Variants in TENM3 observed in about 807,000 individuals in gnomAD.
TENM3 encodes the protein teneurin-3.
In TENM3, 63 loss-of-function variants were observed where a neutral mutation model predicts 255.1. That is an observed-to-expected ratio of 0.25 (90% CI 0.20 to 0.30). TENM3 has a LOEUF of 0.30. Among genes scored for constraint, TENM3 ranks in the 10% least tolerant of loss-of-function variants. The pLI is 1.00. For synonymous variants in TENM3, 1,306 were observed against 1,322.3 expected, an observed-to-expected ratio of 0.99 and a Z score of 0.27; for missense variants, 2,929 against 3,461.1, an observed-to-expected ratio of 0.85 and a Z score of 3.86.
At position 182,601,069 on chromosome 4, in the gene TENM3, G is replaced by A. The variant is rs755058736; in HGVS notation, c.657G>A (p.Pro219=). 46 of 1,613,596 alleles carry A rather than the reference G, an allele frequency of 2.9e-5. 1 individual carries two copies. The highest frequency in any genetic ancestry group is 1.6e-4 in the Middle Eastern group (1 of 6,084). The part of the protein sequence containing the change: ...TNRRNQSPAP[P]AALPAELQTT... ...GAAGGAACCAGAGTCCGGCCCCGCCGGCTGCTTTGCCCGCCGAGCTGCAAA... is the reference window on the plus strand; with the variant it reads ...GAAGGAACCAGAGTCCGGCCCCGCCAGCTGCTTTGCCCGCCGAGCTGCAAA... Residue 219 remains proline, a synonymous_variant, in exon 4 of 28, where the codon CCG becomes CCA. Transcript: ENST00000511685.
intron 22 of TENM3, among the ~76,000 whole-genome samples, chr4:182,771,821 G>A (rs866585760): frequency 6.6e-6 from 1 of 152,166 alleles, no homozygotes; most frequent in Non-Finnish European, 1.5e-5. Flanking sequence ...GTTTGGGTTG[G>A]TGGGGAGGAC....
At chr4:181,732,772 G>C in the TENM3 span, among the ~76,000 whole-genome samples, 2 of 152,016 alleles carry the variant, frequency 1.3e-5, no homozygotes, top group Non-Finnish European at 2.9e-5. Flanking sequence ...GAGGTGGGAT[G>C]AGTAGGGGGG....
chr4:182,068,411 A>G, the TENM3 span, among the ~76,000 whole-genome samples: 467 of 152,028 alleles, frequency 3.1e-3, 4 homozygotes, highest in African/African-American at 0.011. Context: ...CTCCATGTGG[A>G]GTTTCAGTAT....
chr4:182,797,638 A>C (rs1766592165), intron 27 of TENM3, among the ~76,000 whole-genome samples: 4 of 152,218 alleles, frequency 2.6e-5, no homozygotes, highest in African/African-American at 7.2e-5. Context: ...CTGCCGCTTC[A>C]GAAAGTGGTA....
At chr4:182,321,245 A>G (rs1464283332) in intron 1 of TENM3, among the ~76,000 whole-genome samples, 1 of 152,192 alleles carries the variant, frequency 6.6e-6, no homozygotes, top group African/African-American at 2.4e-5. Flanking sequence ...ATGCCCCATA[A>G]GGACAGGAAC....
the TENM3 span, among the ~76,000 whole-genome samples, chr4:181,654,689 G>A: frequency 0.092 from 13,836 of 150,360 alleles, 837 homozygotes; most frequent in South Asian, 0.15. Flanking sequence ...AGGAGGCAGA[G>A]GTTGCAGTGA....
At chr4:182,089,795 C>G in the TENM3 span, among the ~76,000 whole-genome samples, 1 of 152,144 alleles carries the variant, frequency 6.6e-6, no homozygotes, top group Non-Finnish European at 1.5e-5. Context: ...CTATTTTCAT[C>G]AATCACTGTT....
At chr4:182,199,727 T>TA (rs923736645) in intron 1 of TENM3, among the ~76,000 whole-genome samples, 1 of 94,610 alleles carries the variant, frequency 1.1e-5, no homozygotes, top group Non-Finnish European at 3.0e-5. Flanking sequence ...TTGCTTTTTT[T>TA]TTTTTTTTTT....
chr4:181,856,474 T>A, the TENM3 span, among the ~76,000 whole-genome samples: 2,171 of 152,350 alleles, frequency 0.014, 31 homozygotes, highest in African/African-American at 0.033. Context: ...CTCTCTCCAA[T>A]ATCTCATGAA....
chr4:182,469,719 A>T (rs529801172), intron 3 of TENM3, among the ~76,000 whole-genome samples: 2 of 152,106 alleles, frequency 1.3e-5, no homozygotes, highest in South Asian at 4.1e-4. Context: ...GTCTCAAAAA[A>T]AAAAAAAAAA....
chr4:181,467,027 A>G, the TENM3 span, among the ~76,000 whole-genome samples: 6 of 143,722 alleles, frequency 4.2e-5, no homozygotes, highest in Admixed American at 7.0e-5. Flanking sequence ...ACTCTATTAC[A>G]TGTGAAAACT....
At chr4:182,605,205 T>C (rs1039738371) in intron 4 of TENM3, among the ~76,000 whole-genome samples, 1 of 152,018 alleles carries the variant, frequency 6.6e-6, no homozygotes, top group African/African-American at 2.4e-5. Context: ...ATTAGTGAGG[T>C]AGTAAGTAGT....
At chr4:182,579,409 C>T (rs141836372) in intron 3 of TENM3, among the ~76,000 whole-genome samples, 2 of 152,004 alleles carry the variant, frequency 1.3e-5, no homozygotes, top group South Asian at 4.1e-4. Context: ...AATAAGCTAA[C>T]AAGAAAATTG....
intron 1 of TENM3, among the ~76,000 whole-genome samples, chr4:182,202,714 A>G (rs1754274207): frequency 6.6e-6 from 1 of 152,164 alleles, no homozygotes; most frequent in Non-Finnish European, 1.5e-5. Context: ...GCAGGGCCAG[A>G]CACAGAATGT....
At chr4:181,850,309 C>T in the TENM3 span, among the ~76,000 whole-genome samples, 1 of 151,906 alleles carries the variant, frequency 6.6e-6, no homozygotes, top group Non-Finnish European at 1.5e-5. Flanking sequence ...ATTTGATTAA[C>T]AAGAGATTAA....
At chr4:181,517,226 C>A in the TENM3 span, among the ~76,000 whole-genome samples, 1 of 152,108 alleles carries the variant, frequency 6.6e-6, no homozygotes, top group Non-Finnish European at 1.5e-5. Flanking sequence ...GATGATGAGG[C>A]CTTTTCAACC....
intron 6 of TENM3, among the ~76,000 whole-genome samples, chr4:182,669,888 T>TA (rs1755056867): frequency 6.6e-6 from 1 of 152,186 alleles, no homozygotes; most frequent in Non-Finnish European, 1.5e-5. Flanking sequence ...CTCAAAATGA[T>TA]ACCAACCTCT....
intron 3 of TENM3, among the ~76,000 whole-genome samples, chr4:182,441,966 T>A (rs1250012631): frequency 6.6e-6 from 1 of 152,134 alleles, no homozygotes; most frequent in East Asian, 1.9e-4. Context: ...CAGAATATAG[T>A]ACGATGAAGG....
chr4:182,508,804 C>T (rs992180291), intron 3 of TENM3, among the ~76,000 whole-genome samples: 3 of 152,172 alleles, frequency 2.0e-5, no homozygotes, highest in Admixed American at 6.5e-5. Context: ...AGCTTCCTAC[C>T]TGTGTTCTTG....
Sources: allele counts gnomAD v4.1 joint callset (sites outside exome capture counted in the v4.1 genomes callset), GRCh38; gene constraint gnomAD v4.1.1; transcripts MANE v1.5; gene names NCBI Gene and HGNC (gene_info 2026-07-23, HGNC 2026-07-21).